CNNM2: variants seen among roughly 807,000 people sequenced by gnomAD.
CNNM2 encodes cyclin and CBS domain divalent metal cation transport mediator 2.
Under a neutral mutation model 66.9 loss-of-function variants are expected in CNNM2, and 12 were observed. That is an observed-to-expected ratio of 0.18 (90% CI 0.11 to 0.29). The LOEUF (loss-of-function observed/expected upper bound fraction) is 0.29, where lower values mean the gene tolerates loss of function less well. CNNM2 is among the 10% of genes least tolerant of loss of function. CNNM2 has a pLI of 1.00. For synonymous variants in CNNM2, 557 were observed against 501.8 expected (o/e 1.11, Z -1.47); for missense variants, 705 against 1,167.7 (o/e 0.60, Z 5.77).
chr10:103,013,536 G>A (rs1231448907), intron 1 of CNNM2, among the ~76,000 whole-genome samples: 4 of 152,236 alleles, frequency 2.6e-5, no homozygotes, highest in East Asian at 1.9e-4. Context: ...TGCTGGGTGC[G>A]CTCAGGTGTG....
chr10:102,935,605 A>T lies in CNNM2; in HGVS notation c.1621+15504A>T, dbSNP rs143137553. ...GAGCAGTATGGTCCTTTAAAAAAAA[A>T]TTTTTTTTTTTTTTTTTTTGAGACA... On this transcript the variant is annotated intron_variant, in intron 1 of 7. Coordinates refer to ENST00000369878, the MANE Select transcript of CNNM2 (RefSeq NM_017649.5). Among the ~76,000 whole-genome samples, 13,291 of 128,136 alleles carry T rather than the reference A, an allele frequency of 0.1. 762 individuals are homozygous for T. The highest frequency in any genetic ancestry group is 0.17 in the Middle Eastern group (43 of 254). The allele number at this position is 128,136 out of a possible 152,430, so 84.1% of individuals were successfully genotyped here.
At chr10:102,964,867 G>C (rs1421797563) in intron 1 of CNNM2, among the ~76,000 whole-genome samples, 8 of 152,118 alleles carry the variant, frequency 5.3e-5, no homozygotes, top group Admixed American at 5.2e-4. Context: ...AAGCGAGGGG[G>C]TTGCCTTTAA....
intron 6 of CNNM2, among the ~76,000 whole-genome samples, chr10:103,072,497 G>A (rs1471464988): frequency 6.6e-6 from 1 of 151,540 alleles, no homozygotes; most frequent in East Asian, 2.0e-4. Context: ...CACCAGGCAG[G>A]CGACCCCGCT....
At chr10:103,038,236 T>TCC (rs1165202257) in intron 1 of CNNM2, among the ~76,000 whole-genome samples, 5 of 152,192 alleles carry the variant, frequency 3.3e-5, no homozygotes, top group African/African-American at 1.2e-4. Flanking sequence ...GATAAAACTG[T>TCC]AAAATCTGAG....
chr10:103,057,024 G>GT, intron 4 of CNNM2, 60 bp downstream of exon 4: 1 of 1,531,692 alleles, frequency 6.5e-7, no homozygotes, highest in Non-Finnish European at 8.9e-7. Flanking sequence ...TCAGTTTGGT[G>GT]TAAGTGAATG....
At chr10:103,063,428 A>G (rs1032459136) in intron 4 of CNNM2, among the ~76,000 whole-genome samples, 1 of 152,226 alleles carries the variant, frequency 6.6e-6, no homozygotes, top group East Asian at 1.9e-4. Context: ...GTGGCTGCTC[A>G]GCATGTGGCG....
At chr10:103,065,561 G>A (rs1486626920) in intron 4 of CNNM2, among the ~76,000 whole-genome samples, 1 of 152,174 alleles carries the variant, frequency 6.6e-6, no homozygotes, top group Non-Finnish European at 1.5e-5. Flanking sequence ...TATCTCCAAA[G>A]AATAGTGACC....
chr10:102,925,337 G>C (rs990909403), intron 1 of CNNM2, among the ~76,000 whole-genome samples: 1 of 144,706 alleles, frequency 6.9e-6, no homozygotes, highest in African/African-American at 2.5e-5. Flanking sequence ...GATTTACTTG[G>C]GTCACTTAAT....
At position 103,089,523 on chromosome 10, in the gene CNNM2, A is replaced by G; in HGVS notation, c.*12343A>G. The G allele has an allele frequency of 7.3e-7, 1 of 1,363,840 alleles. No individual in the cohort carries two copies. The highest frequency in any genetic ancestry group is 9.7e-7 in the Non-Finnish European group (1 of 1,035,320). The allele number at this position is 1,363,840 out of a possible 1,614,324, so 84.5% of individuals were successfully genotyped here. On this transcript the variant is annotated 3_prime_UTR_variant, in exon 8 of 8. Transcript: ENST00000369878. ...ATACACAAAACCAAAACAAGTATCT[A>G]TGATAATAAAATCTTCAGAAACTTT...
Position 103,070,791 on chromosome 10 carries a change from A to G in CNNM2, c.2168-983A>G, listed in dbSNP as rs952285844. 1.3e-4 allele frequency among the ~76,000 whole-genome samples: 20 copies of G among 152,174 alleles called. 1 individual carries two copies. Among genetic ancestry groups the G allele is most frequent in the African/African-American group, 4.3e-4 (18 of 41,452 alleles). On this transcript the variant is annotated intron_variant, in intron 5 of 7. Coordinates refer to ENST00000369878, the MANE Select transcript of CNNM2 (RefSeq NM_017649.5). ...CTAAAAATACAAAAATTAGCCAGGC[A>G]TGGTGGCACATGCCTGTAGTCCTAG...
intron 1 of CNNM2, among the ~76,000 whole-genome samples, chr10:102,934,291 T>C (rs1261137668): frequency 6.6e-6 from 1 of 150,664 alleles, no homozygotes; most frequent in Admixed American, 6.6e-5. Flanking sequence ...TTTTTTTTTT[T>C]TGAGACAGAG....
chr10:103,041,675 A>G (rs2065042902), intron 1 of CNNM2, among the ~76,000 whole-genome samples: 3 of 152,220 alleles, frequency 2.0e-5, no homozygotes, highest in Non-Finnish European at 4.4e-5. Context: ...TCTGTCGCCA[A>G]AATCACCTTT....
At position 103,034,435 on chromosome 10, in the gene CNNM2, G is replaced by A. The variant is rs17115355; in HGVS notation, c.1622-15272G>A. 0.012 allele frequency among the ~76,000 whole-genome samples: 1,775 copies of A among 152,064 alleles called. 33 individuals carry two copies. The highest frequency in any genetic ancestry group is 0.04 in the African/African-American group (1,654 of 41,458). On this transcript the variant is annotated intron_variant, in intron 1 of 7. Transcript: ENST00000369878. Reference sequence around the variant, plus strand: ...TAAAACGCCTGTGACTGCAGCAAATGTACGGTGTGGTTTGATCTGCAGTGT... The same window carrying A: ...TAAAACGCCTGTGACTGCAGCAAATATACGGTGTGGTTTGATCTGCAGTGT...
intron 1 of CNNM2, among the ~76,000 whole-genome samples, chr10:103,031,486 C>A (rs991569218): frequency 3.9e-5 from 6 of 152,094 alleles, no homozygotes; most frequent in Non-Finnish European, 8.8e-5. Flanking sequence ...AAGGTACAAG[C>A]CCTGCATTGT....
At chr10:102,979,495 T>C (rs894298499) in intron 1 of CNNM2, among the ~76,000 whole-genome samples, 3 of 152,236 alleles carry the variant, frequency 2.0e-5, no homozygotes, top group African/African-American at 7.2e-5. Flanking sequence ...AAATAGCCTA[T>C]TCTTTTCATC....
At chr10:102,972,609 C>T (rs2063563154) in intron 1 of CNNM2, among the ~76,000 whole-genome samples, 1 of 152,170 alleles carries the variant, frequency 6.6e-6, no homozygotes. Flanking sequence ...GCACTCCAGC[C>T]TGGGAGACAG....
chr10:102,929,781 A>G (rs1823295440), intron 1 of CNNM2, among the ~76,000 whole-genome samples: 1 of 152,304 alleles, frequency 6.6e-6, no homozygotes, highest in South Asian at 2.1e-4. Flanking sequence ...GCTGCTGTGA[A>G]CATTGGCATG....
At chr10:102,930,123 G>A (rs1211580400) in intron 1 of CNNM2, among the ~76,000 whole-genome samples, 1 of 152,134 alleles carries the variant, frequency 6.6e-6, no homozygotes, top group Non-Finnish European at 1.5e-5. Flanking sequence ...AAAATTGGAA[G>A]TAAATATCTA....
intron 1 of CNNM2, among the ~76,000 whole-genome samples, chr10:102,987,543 G>A (rs1258306929): frequency 2.0e-5 from 3 of 151,904 alleles, no homozygotes; most frequent in Admixed American, 6.6e-5. Flanking sequence ...GGATGGTCTC[G>A]AACTGCTGAC....
Sources: gnomAD v4.1 joint callset for allele counts (sites outside exome capture counted in the v4.1 genomes callset) on GRCh38, gnomAD v4.1.1 for gene constraint, MANE v1.5 for transcripts, NCBI Gene and HGNC (gene_info 2026-07-23, HGNC 2026-07-21) for gene names.